The following SIM2 variants were observed in gnomAD, a reference collection of about 807,000 sequenced individuals.
The protein encoded by SIM2 is SIM bHLH transcription factor 2, also known as single-minded homolog 2.
SIM2 carries 28 observed loss-of-function variants against 64.8 expected under a neutral mutation model. The ratio of observed to expected loss-of-function variants is 0.43; its 90% CI spans 0.32 to 0.59. The LOEUF is 0.59. Ranked by LOEUF, SIM2 falls within the 20% of genes least tolerant of loss-of-function variation. The pLI, the probability that SIM2 is intolerant of heterozygous loss-of-function variation, is 0.07. For missense variants in SIM2, 847 were observed against 871.4 expected (o/e 0.97, Z 0.35); for synonymous variants, 408 against 391.1 (o/e 1.04, Z -0.51).
rs1001954198 is a variant in SIM2, at chr21:36,747,048, CA to C, written c.1577-609del. Among the ~76,000 whole-genome samples, 9 of 151,532 alleles carry C rather than the reference CA, an allele frequency of 5.9e-5. No homozygotes were observed. Among genetic ancestry groups the C allele is most frequent in the African/African-American group, 1.5e-4 (6 of 41,222 alleles). Reference sequence around the variant, plus strand: ...TTAAAAACAAACAAACAAACAAAGACAAAAAAAACCCACAAGCCAGGGAGCT... The same window carrying C: ...TTAAAAACAAACAAACAAACAAAGACAAAAAAACCCACAAGCCAGGGAGCT... On this transcript the variant is annotated intron_variant, in intron 10 of 10. Transcript: ENST00000290399. The surrounding 1 kb of genome is among the most constrained non-coding windows in gnomAD (Gnocchi z 4.5).
At chr21:36,740,017 A>AAGAAAGAAAGAAAGAG (rs1568940101) in intron 7 of SIM2, among the ~76,000 whole-genome samples, 3 of 38,294 alleles carry the variant, frequency 7.8e-5, no homozygotes, top group East Asian at 1.4e-3. Context: ...GAGAGAAAGA[A>AAGAAAGAAAGAAAGAG]AGAAAGAAAG....
intron 7 of SIM2, among the ~76,000 whole-genome samples, chr21:36,737,973 A>AAAAAAAAAAAAAAAAAAAAGC (rs1555877008): frequency 1.9e-4 from 23 of 120,336 alleles, no homozygotes; most frequent in Non-Finnish European, 3.2e-4. Flanking sequence ...AAAAAAAAAA[A>AAAAAAAAAAAAAAAAAAAAGC]AAAAAAAAAG....
At chr21:36,737,154 C>T (rs142018806) in intron 7 of SIM2, among the ~76,000 whole-genome samples, 35 of 152,274 alleles carry the variant, frequency 2.3e-4, no homozygotes, top group African/African-American at 7.9e-4. Context: ...GGCTTAAGCT[C>T]CTGTGTTCAA....
At chr21:36,707,973 G>GTTCCTGGGTTGGGGAGCGGGCAT (rs780782783) in intron 1 of SIM2, among the ~76,000 whole-genome samples, 1 of 150,992 alleles carries the variant, frequency 6.6e-6, no homozygotes, top group Non-Finnish European at 1.5e-5. Flanking sequence ...GCCTGGCCCA[G>GTTCCTGGGTTGGGGAGCGGGCAT]CGTGGGTTGG....
In SIM2 at chr21:36,741,754, G is replaced by A; in HGVS notation, c.888G>A (p.Arg296=). The A allele has an allele frequency of 1.2e-6, 2 of 1,613,544 alleles. No individual in the cohort carries two copies. Among genetic ancestry groups the A allele is most frequent in the South Asian group, 2.2e-5 (2 of 90,980 alleles). ...VKGQVTTKYY[R]LLSKRGGWVW... is the part of the protein sequence containing the mutation. ...GCCAGGTCACCACCAAGTACTACCG[G>A]CTGCTGTCCAAGCGGGGCGGCTGGG... is the stretch of plus-strand genomic sequence containing the variant. Residue 296 remains arginine, a synonymous_variant, in exon 8 of 11, where the codon CGG becomes CGA. Transcript: ENST00000290399.
At chr21:36,738,244 C>T (rs1356378272) in intron 7 of SIM2, among the ~76,000 whole-genome samples, 8 of 152,156 alleles carry the variant, frequency 5.3e-5, no homozygotes, top group East Asian at 3.9e-4. Context: ...CGGTGGCTCA[C>T]GCCTGTAATC....
chr21:36,720,694 C>T (rs1251193648), intron 4 of SIM2: 1 of 152,214 alleles, frequency 6.6e-6, no homozygotes, highest in Admixed American at 6.5e-5. Context: ...AAGTAGGGAT[C>T]TGTAGGTTTT....
chr21:36,720,710 G>A (rs1056923114), intron 4 of SIM2: 1 of 152,202 alleles, frequency 6.6e-6, no homozygotes, highest in Non-Finnish European at 1.5e-5. Context: ...GTTTTGTGCT[G>A]TGGCACAAAT....
At chr21:36,712,465 G>A in intron 2 of SIM2, 68 bp from the exon 3 acceptor site, 3 of 1,062,542 alleles carry the variant, frequency 2.8e-6, no homozygotes, top group South Asian at 1.3e-5. Context: ...CCCAGTGACT[G>A]TACCATTGTT....
chr21:36,726,279 G>A lies in SIM2; in HGVS notation c.704G>A (p.Arg235Lys). Residue 235 changes from arginine (R) to lysine (K), a missense_variant, in exon 6 of 11, where the codon AGG (arginine) becomes AAG (lysine). Transcript: ENST00000290399. The surrounding 1 kb of genome is among the most constrained non-coding windows in gnomAD (Gnocchi z 4.5). ...CTGTACAGTAACATGTTCATGTTCA[G>A]GGCCAGCCTTGACCTGAAGCTGATA... is the stretch of plus-strand genomic sequence containing the variant. The part of the protein sequence containing the change: ...IKLYSNMFMF[R>K]ASLDLKLIFL... 6.2e-7 allele frequency: 1 copy of A among 1,613,724 alleles called. No homozygotes were observed. Among genetic ancestry groups the A allele is most frequent in the Non-Finnish European group, 8.5e-7 (1 of 1,180,032 alleles).
At chr21:36,732,037 C>A (rs1392510982) in intron 7 of SIM2, among the ~76,000 whole-genome samples, 1 of 152,132 alleles carries the variant, frequency 6.6e-6, no homozygotes, top group Non-Finnish European at 1.5e-5. Flanking sequence ...TGCATGCCAC[C>A]ACGCCTGGCT....
Position 36,726,414 on chromosome 21 carries a change from C to G in SIM2, c.743+96C>G. Reference sequence around the variant, plus strand: ...AGCTGCCATCTTGGCCAAATCATAACAAGGAATAAGTCATAATAGGAATGT... The same window carrying G: ...AGCTGCCATCTTGGCCAAATCATAAGAAGGAATAAGTCATAATAGGAATGT... On this transcript the variant is annotated intron_variant, in intron 6 of 10. Coordinates refer to ENST00000290399, the MANE Select transcript of SIM2 (RefSeq NM_005069.6). This position sits in a 1 kb window ranked among gnomAD's most constrained non-coding sequence, Gnocchi z 4.5. 9.3e-7 allele frequency: 1 copy of G among 1,075,954 alleles called. No individual in the cohort carries two copies. Among genetic ancestry groups the G allele is most frequent in the Non-Finnish European group, 1.4e-6 (1 of 738,150 alleles). The allele number at this position is 1,075,954 out of a possible 1,614,324, so 66.7% of individuals were successfully genotyped here.
chr21:36,731,020 T>C (rs755736760), intron 6 of SIM2, 25 bp from the exon 7 acceptor site: 1 of 1,565,028 alleles, frequency 6.4e-7, no homozygotes, highest in Non-Finnish European at 8.8e-7. Context: ...GTGGCGTAAC[T>C]CACTGAGCTG....
intron 1 of SIM2, among the ~76,000 whole-genome samples, chr21:36,706,686 GC>G (rs2088588689): frequency 6.6e-6 from 1 of 152,012 alleles, no homozygotes; most frequent in African/African-American, 2.4e-5. Flanking sequence ...AAAAAACCTC[GC>G]CCGCATTGGT....
intron 6 of SIM2, among the ~76,000 whole-genome samples, chr21:36,729,367 G>GC (rs954026423): frequency 6.6e-6 from 1 of 151,890 alleles, no homozygotes; most frequent in African/African-American, 2.4e-5. Flanking sequence ...GCTCTACAAG[G>GC]CCCCCTCCCC....
At chr21:36,713,015 G>A (rs752335549) in intron 3 of SIM2, among the ~76,000 whole-genome samples, 2 of 152,238 alleles carry the variant, frequency 1.3e-5, no homozygotes, top group Non-Finnish European at 2.9e-5. Context: ...AAAGCAAGAG[G>A]TAAGCTGATG....
At chr21:36,719,762 TC>T in intron 3 of SIM2, 58 bp from the exon 4 acceptor site, 1 of 1,003,360 alleles carries the variant, frequency 1.0e-6, no homozygotes, top group Non-Finnish European at 1.6e-6. Context: ...ACCTTGCCCC[TC>T]CCCCTGCGCC....
At chr21:36,743,311 C>A in intron 8 of SIM2, 76 bp from the exon 9 acceptor site, 1 of 1,387,204 alleles carries the variant, frequency 7.2e-7, no homozygotes. Context: ...AACGCCCTGC[C>A]CAAGGGCTGG....
In SIM2 at chr21:36,743,304, G is replaced by A; in HGVS notation, c.999-83G>A. 3.2e-6 allele frequency: 4 copies of A among 1,236,532 alleles called. No individual in the cohort carries two copies. In the South Asian group the frequency reaches 4.3e-5, roughly 13 times the overall value. 76.6% of individuals were successfully genotyped at this position (1,236,532 alleles called of 1,614,324 possible). A position where few individuals can be genotyped will look rare whatever the true frequency, so the allele number is the denominator to read the frequency against. Reference sequence around the variant, plus strand: ...AAAGACACACTGGAGCACTGAGAACGCCCTGCCCAAGGGCTGGGGCCAGGG... The same window carrying A: ...AAAGACACACTGGAGCACTGAGAACACCCTGCCCAAGGGCTGGGGCCAGGG... On this transcript the variant is annotated intron_variant, in intron 8 of 10. Coordinates refer to ENST00000290399, the MANE Select transcript of SIM2 (RefSeq NM_005069.6).
Sources: gnomAD v4.1 joint callset for allele counts (sites outside exome capture counted in the v4.1 genomes callset) on GRCh38, gnomAD v4.1.1 for gene constraint, Gnocchi (gnomAD v3.1) non-coding constraint, MANE v1.5 for transcripts, NCBI Gene and HGNC (gene_info 2026-07-23, HGNC 2026-07-21) for gene names.